APBB1IP: variants seen among roughly 807,000 people sequenced by gnomAD.
APBB1IP encodes amyloid beta precursor protein binding family B member 1 interacting protein.
Under a neutral mutation model 64.9 loss-of-function variants are expected in APBB1IP, and 27 were observed. The observed-to-expected ratio is 0.42, with a 90% CI of 0.31 to 0.57. The LOEUF (loss-of-function observed/expected upper bound fraction) is 0.57, where lower values mean the gene tolerates loss of function less well. Ranked by LOEUF, APBB1IP falls within the 20% of genes least tolerant of loss-of-function variation. The pLI is 0.20. For missense variants in APBB1IP, 812 were observed against 845.5 expected (o/e 0.96, Z 0.49); for synonymous variants, 392 against 331.0 (o/e 1.18, Z -2.00).
At chr10:26,539,746 A>C (rs1304369080) in intron 10 of APBB1IP, among the ~76,000 whole-genome samples, 1 of 152,172 alleles carries the variant, frequency 6.6e-6, no homozygotes, top group African/African-American at 2.4e-5. Flanking sequence ...AAATATAAAG[A>C]CTTCAAGAAA....
intron 2 of APBB1IP, among the ~76,000 whole-genome samples, chr10:26,453,740 G>A (rs4237378): frequency 0.4 from 60,727 of 151,938 alleles, 12,283 homozygotes; most frequent in South Asian, 0.5. Context: ...AATGCTCAAC[G>A]TCACTAGTCA....
At chr10:26,558,809 G>A (rs79274196) in intron 11 of APBB1IP, among the ~76,000 whole-genome samples, 2,566 of 152,240 alleles carry the variant, frequency 0.017, 46 homozygotes, top group South Asian at 0.055. Flanking sequence ...AGAAACAACA[G>A]AAGCAATGAG....
chr10:26,551,095 A>G (rs1426659540), intron 11 of APBB1IP, among the ~76,000 whole-genome samples: 4 of 152,216 alleles, frequency 2.6e-5, no homozygotes, highest in Non-Finnish European at 4.4e-5. Context: ...CATGCCTCCC[A>G]CAGCACAGCA....
At chr10:26,519,650 C>A (rs778269322) in intron 8 of APBB1IP, among the ~76,000 whole-genome samples, 4 of 152,132 alleles carry the variant, frequency 2.6e-5, no homozygotes, top group Non-Finnish European at 5.9e-5. Flanking sequence ...TGTAACATAG[C>A]GGGAAGCAGA....
intron 2 of APBB1IP, among the ~76,000 whole-genome samples, chr10:26,472,934 C>CAAAAAAAAAAA (rs879867349): frequency 1.3e-5 from 2 of 148,942 alleles, no homozygotes; most frequent in African/African-American, 2.5e-5. Flanking sequence ...GAGACTTCAT[C>CAAAAAAAAAAA]AAAAACAAAA....
intron 8 of APBB1IP, among the ~76,000 whole-genome samples, chr10:26,522,638 C>G (rs1836417369): frequency 6.6e-6 from 1 of 152,062 alleles, no homozygotes; most frequent in Admixed American, 6.6e-5. Context: ...CCATAGGACA[C>G]TTAAGGGTTA....
chr10:26,524,955 CTTT>C lies in APBB1IP; in HGVS notation c.814-8467_814-8465del, dbSNP rs56982662. 9.5e-5 allele frequency among the ~76,000 whole-genome samples: 7 copies of C among 73,972 alleles called. 1 individual carries two copies. Among genetic ancestry groups the C allele is most frequent in the South Asian group, 1.0e-3 (2 of 1,988 alleles). 48.5% of individuals were successfully genotyped at this position (73,972 alleles called of 152,430 possible). A position where few individuals can be genotyped will look rare whatever the true frequency, so the allele number is the denominator to read the frequency against. Reference sequence around the variant, plus strand: ...TCTTTTTCTTTCTCTTTCTTTCTTTCTTTTTTTTTTTTTTTTTTTATAAAAAAA... The same window carrying C: ...TCTTTTTCTTTCTCTTTCTTTCTTTCTTTTTTTTTTTTTTTTATAAAAAAA... On this transcript the variant is annotated intron_variant, in intron 8 of 14. Coordinates refer to ENST00000376236, the MANE Select transcript of APBB1IP (RefSeq NM_019043.4).
chr10:26,519,180 A>C (rs1836371152), intron 8 of APBB1IP, among the ~76,000 whole-genome samples: 1 of 152,110 alleles, frequency 6.6e-6, no homozygotes. Context: ...AATCTCAGCT[A>C]CTAGGGAGTC....
chr10:26,510,284 T>C (rs1018755703), intron 6 of APBB1IP, among the ~76,000 whole-genome samples: 1 of 152,232 alleles, frequency 6.6e-6, no homozygotes, highest in East Asian at 1.9e-4. Context: ...GATGTTTTAA[T>C]AACTTTGACA....
intron 4 of APBB1IP, among the ~76,000 whole-genome samples, chr10:26,497,344 G>A (rs1471024894): frequency 6.6e-6 from 1 of 151,968 alleles, no homozygotes; most frequent in Non-Finnish European, 1.5e-5. Context: ...AAGGTCAGGA[G>A]ATCGAGACCA....
At chr10:26,538,697 G>T (rs1021458181) in intron 10 of APBB1IP, among the ~76,000 whole-genome samples, 2 of 150,008 alleles carry the variant, frequency 1.3e-5, no homozygotes, top group African/African-American at 4.9e-5. Context: ...GTTGCTAAAA[G>T]AAAAGTTATT....
chr10:26,470,063 C>G (rs895147026), intron 2 of APBB1IP, among the ~76,000 whole-genome samples: 1 of 152,190 alleles, frequency 6.6e-6, no homozygotes, highest in African/African-American at 2.4e-5. Flanking sequence ...GGTCAGGAGA[C>G]AGTTGGATCT....
chr10:26,567,411 G>A lies in APBB1IP; in HGVS notation c.1924G>A (p.Gly642Arg). The change falls in exon 15 of 15, where the codon GGA (glycine) becomes AGA (arginine). Residue 642 changes from glycine to arginine, a missense_variant. Gly to Arg is a moderately radical substitution (Grantham distance 125). Coordinates refer to ENST00000376236, the MANE Select transcript of APBB1IP (RefSeq NM_019043.4). ...KRQENPGHPG[G>R]AGGGEQDFMS... ...GCAAGAGAACCCAGGGCACCCCGGC[G>A]GAGCAGGAGGCGGGGAGCAAGATTT... The A allele has an allele frequency of 6.2e-7, 1 of 1,603,770 alleles. No homozygotes were observed. The highest frequency in any genetic ancestry group is 8.5e-7 in the Non-Finnish European group (1 of 1,173,556).
At chr10:26,480,809 A>C (rs1488886852) in intron 2 of APBB1IP, among the ~76,000 whole-genome samples, 3 of 151,884 alleles carry the variant, frequency 2.0e-5, no homozygotes, top group Admixed American at 6.6e-5. Flanking sequence ...ACATAGTGCA[A>C]ACAAAAGTCC....
At chr10:26,513,713 T>G in intron 8 of APBB1IP, 53 bp downstream of exon 8, 1 of 1,546,434 alleles carries the variant, frequency 6.5e-7, no homozygotes, top group Admixed American at 2.3e-5. Flanking sequence ...GATTTTTTTT[T>G]TTTTTGAGAC....
chr10:26,498,990 G>A (rs1836063544), intron 4 of APBB1IP, among the ~76,000 whole-genome samples: 1 of 152,166 alleles, frequency 6.6e-6, no homozygotes, highest in South Asian at 2.1e-4. Context: ...CTGGGTGCGA[G>A]CCTGTAATCA....
chr10:26,566,264 A>G (rs551240187), intron 14 of APBB1IP, among the ~76,000 whole-genome samples: 1 of 152,070 alleles, frequency 6.6e-6, no homozygotes, highest in Non-Finnish European at 1.5e-5. Flanking sequence ...AAAAATATAT[A>G]TAGAGAGAGA....
intron 2 of APBB1IP, among the ~76,000 whole-genome samples, chr10:26,441,476 T>TG (rs1564345221): frequency 6.6e-6 from 1 of 152,180 alleles, no homozygotes; most frequent in Non-Finnish European, 1.5e-5. Flanking sequence ...GGACAGCTTT[T>TG]GGGGGACTAG....
chr10:26,507,472 G>C (rs890495352), intron 6 of APBB1IP, among the ~76,000 whole-genome samples: 7 of 152,184 alleles, frequency 4.6e-5, no homozygotes, highest in African/African-American at 1.7e-4. Context: ...ACTCCAGCCT[G>C]GGTGGCAGAG....
Sources: allele counts gnomAD v4.1 joint callset (sites outside exome capture counted in the v4.1 genomes callset), GRCh38; gene constraint gnomAD v4.1.1; transcripts MANE v1.5; gene names NCBI Gene and HGNC (gene_info 2026-07-23, HGNC 2026-07-21).